The following RP1 variants were observed in gnomAD, a reference collection of about 807,000 sequenced individuals.
RP1 encodes the protein RP1 axonemal microtubule associated, also known as oxygen-regulated protein 1.
A neutral mutation model predicts 14.8 loss-of-function variants in RP1; 16 were observed. The ratio of observed to expected loss-of-function variants is 1.08; its 90% CI spans 0.73 to 1.65. RP1 has a LOEUF of 1.65. Ranked by LOEUF, RP1 falls within the 40% of genes most tolerant of loss-of-function variation. The pLI, the probability that RP1 is intolerant of heterozygous loss-of-function variation, is 0.00. For missense variants in RP1, 2,631 were observed against 2,535.0 expected (o/e 1.04, Z -0.81); for synonymous variants, 876 against 883.6 (o/e 0.99, Z 0.15).
At chr8:54,567,859 A>T (rs764019626) in intron 1 of RP1, among the ~76,000 whole-genome samples, 3 of 152,150 alleles carry the variant, frequency 2.0e-5, no homozygotes, top group African/African-American at 4.8e-5. Context: ...GGGGAGGTAG[A>T]GGGGGATTTG....
chr8:54,846,843 C>T (rs1318147444), intron 25 of RP1, among the ~76,000 whole-genome samples: 1 of 152,152 alleles, frequency 6.6e-6, no homozygotes, highest in East Asian at 1.9e-4. Context: ...TTGGGAGTCA[C>T]CTCCTCCCTC....
At chr8:54,560,367 C>G (rs1161548454) in intron 1 of RP1, 2 of 152,208 alleles carry the variant, frequency 1.3e-5, no homozygotes, top group African/African-American at 4.8e-5. Context: ...CATTCACACG[C>G]CCGCTGCTAG....
chr8:54,737,045 C>T (rs1417732109), intron 18 of RP1, among the ~76,000 whole-genome samples: 1 of 152,144 alleles, frequency 6.6e-6, no homozygotes, highest in Non-Finnish European at 1.5e-5. Context: ...ATTCTCTTTT[C>T]CTTCTTTCCA....
chr8:54,770,071 A>T (rs1809864886), downstream of RP1: 1 of 447,116 alleles, frequency 2.2e-6, no homozygotes, highest in East Asian at 3.4e-5. Context: ...TCCCACTTAC[A>T]ATGTCATCAG....
At chr8:54,586,238 C>A (rs1431496618) in intron 1 of RP1, among the ~76,000 whole-genome samples, 2 of 152,202 alleles carry the variant, frequency 1.3e-5, no homozygotes, top group Non-Finnish European at 2.9e-5. Context: ...AGCTGCAGGT[C>A]TATTGGAGTT....
At chr8:54,834,945 G>A (rs569027577) in intron 24 of RP1, among the ~76,000 whole-genome samples, 12 of 152,234 alleles carry the variant, frequency 7.9e-5, no homozygotes, top group East Asian at 1.9e-4. Flanking sequence ...ACATATGAAA[G>A]TGTCTTAAAC....
intron 1 of RP1, among the ~76,000 whole-genome samples, chr8:54,606,298 A>C (rs1249557973): frequency 6.6e-6 from 1 of 152,132 alleles, no homozygotes; most frequent in Non-Finnish European, 1.5e-5. Flanking sequence ...TCCTTCACTT[A>C]TGAAGCTTAG....
chr8:54,803,748 T>A (rs1448720761), intron 24 of RP1, among the ~76,000 whole-genome samples: 1 of 152,176 alleles, frequency 6.6e-6, no homozygotes, highest in African/African-American at 2.4e-5. Flanking sequence ...TACATAAATA[T>A]TACATGTATA....
chr8:54,695,266 C>G (rs1420262203), intron 12 of RP1, among the ~76,000 whole-genome samples: 1 of 150,492 alleles, frequency 6.6e-6, no homozygotes, highest in Non-Finnish European at 1.5e-5. Context: ...TTTTTTTTTT[C>G]TCAGCAGAAA....
chr8:54,636,604 C>T (rs1176835060), intron 3 of RP1, among the ~76,000 whole-genome samples: 1 of 151,904 alleles, frequency 6.6e-6, no homozygotes, highest in Non-Finnish European at 1.5e-5. Flanking sequence ...TGGGCCTGGT[C>T]GTGGGCGCCT....
chr8:54,766,190 A>C (rs926141950), intron 22 of RP1, among the ~76,000 whole-genome samples: 1 of 152,206 alleles, frequency 6.6e-6, no homozygotes, highest in African/African-American at 2.4e-5. Context: ...GCCTGTCTAC[A>C]AATGGTTTTA....
chr8:54,774,416 GAA>G (rs1809985515), downstream of RP1, among the ~76,000 whole-genome samples: 1 of 152,186 alleles, frequency 6.6e-6, no homozygotes, highest in African/African-American at 2.4e-5. Context: ...GGCTAAGTGG[GAA>G]AAGAGAAGTC....
chr8:54,743,757 T>C (rs548379565), intron 19 of RP1, among the ~76,000 whole-genome samples: 33 of 152,308 alleles, frequency 2.2e-4, no homozygotes, highest in African/African-American at 7.7e-4. Context: ...GGAGCCCTAG[T>C]TTAATTTAGT....
chr8:54,816,366 A>G (rs1476620441), intron 24 of RP1, among the ~76,000 whole-genome samples: 1 of 152,246 alleles, frequency 6.6e-6, no homozygotes, highest in Non-Finnish European at 1.5e-5. Flanking sequence ...TTAAAAGCAA[A>G]GACAAAGGAA....
chr8:54,575,385 AT>A (rs35316623), intron 1 of RP1, among the ~76,000 whole-genome samples: 135 of 150,958 alleles, frequency 8.9e-4, no homozygotes, highest in African/African-American at 2.6e-3. Flanking sequence ...AAGAAAAATT[AT>A]TTTTTTTTTA....
intron 17 of RP1, among the ~76,000 whole-genome samples, chr8:54,728,192 G>A (rs1442390965): frequency 6.6e-6 from 1 of 152,122 alleles, no homozygotes; most frequent in Non-Finnish European, 1.5e-5. Flanking sequence ...ATGTCTTTAT[G>A]TATGAATATT....
chr8:54,656,230 A>G, intron 6 of RP1: 2 of 1,531,146 alleles, frequency 1.3e-6, no homozygotes, highest in African/African-American at 1.4e-5. Flanking sequence ...GAAAGATTCA[A>G]CTCCAGGTAG....
At chr8:54,820,523 A>C (rs909255946) in intron 24 of RP1, among the ~76,000 whole-genome samples, 2 of 152,072 alleles carry the variant, frequency 1.3e-5, no homozygotes, top group African/African-American at 4.8e-5. Flanking sequence ...TCATGGGCAC[A>C]GGAAGAATTC....
At chr8:54,652,914 A>G in intron 5 of RP1, 1 of 1,329,250 alleles carries the variant, frequency 7.5e-7, no homozygotes, top group South Asian at 1.3e-5. Context: ...TCCTCTGCAT[A>G]TTCCTCTCAG....
Sources: gnomAD v4.1 joint callset for allele counts (sites outside exome capture counted in the v4.1 genomes callset) on GRCh38, gnomAD v4.1.1 for gene constraint, MANE v1.5 for transcripts, NCBI Gene and HGNC (gene_info 2026-07-23, HGNC 2026-07-21) for gene names.